SCAPER: variants seen among roughly 807,000 people sequenced by gnomAD.
SCAPER encodes S-phase cyclin A associated protein in the ER.
In SCAPER, 98 loss-of-function variants were observed where a neutral mutation model predicts 182.2. The ratio of observed to expected loss-of-function variants is 0.54; its 90% CI spans 0.46 to 0.64. The LOEUF (loss-of-function observed/expected upper bound fraction) is 0.64. Ranked by LOEUF, SCAPER falls within the 30% of genes least tolerant of loss-of-function variation. The probability of loss-of-function intolerance (pLI) is 0.00; values close to 1 mark genes in which losing one functional copy is unlikely to be tolerated. For missense variants in SCAPER, 1,432 were observed against 1,690.0 expected (o/e 0.85, Z 2.68); for synonymous variants, 605 against 564.6 (o/e 1.07, Z -1.01).
intron 20 of SCAPER, among the ~76,000 whole-genome samples, chr15:76,667,304 C>G (rs1464190677): frequency 1.3e-5 from 2 of 152,258 alleles, no homozygotes; most frequent in East Asian, 1.9e-4. Context: ...GTCCTTCTAA[C>G]TCATTGGCTG....
intron 21 of SCAPER, among the ~76,000 whole-genome samples, chr15:76,660,918 T>A (rs1182212203): frequency 6.6e-6 from 1 of 151,862 alleles, no homozygotes; most frequent in East Asian, 1.9e-4. Context: ...ACTGTTTCTA[T>A]AAACTAGCAA....
intron 2 of SCAPER, among the ~76,000 whole-genome samples, chr15:76,872,157 T>C (rs1472971810): frequency 6.6e-6 from 1 of 151,022 alleles, no homozygotes; most frequent in African/African-American, 2.4e-5. Context: ...AGGAAATACC[T>C]ACATGAAAGC....
chr15:76,444,518 T>A (rs944919648), intron 25 of SCAPER, among the ~76,000 whole-genome samples: 12 of 152,206 alleles, frequency 7.9e-5, no homozygotes, highest in Admixed American at 4.6e-4. Context: ...TCAGAACCAT[T>A]TATGTTTAAT....
intron 5 of SCAPER, among the ~76,000 whole-genome samples, chr15:76,818,558 T>TG (rs2067262876): frequency 6.6e-6 from 1 of 151,958 alleles, no homozygotes; most frequent in Admixed American, 6.6e-5. Context: ...CAAGAGACAC[T>TG]GTTATCCAAA....
intron 22 of SCAPER, among the ~76,000 whole-genome samples, chr15:76,579,876 T>A (rs2404737): frequency 6.6e-6 from 1 of 151,958 alleles, no homozygotes; most frequent in Admixed American, 6.6e-5. Flanking sequence ...GTAGCTATAC[T>A]TATGTCAGAA....
intron 20 of SCAPER, among the ~76,000 whole-genome samples, chr15:76,667,439 T>C (rs1393937573): frequency 2.0e-5 from 3 of 152,028 alleles, no homozygotes; most frequent in African/African-American, 7.2e-5. Flanking sequence ...ATGCAGTAAC[T>C]TGAAGTATTA....
chr15:76,457,862 T>C (rs2048858396), intron 25 of SCAPER, among the ~76,000 whole-genome samples: 1 of 152,182 alleles, frequency 6.6e-6, no homozygotes, highest in South Asian at 2.1e-4. Context: ...TTTCCACTGC[T>C]CTTTATCATT....
chr15:76,792,813 C>G (rs1014977795), intron 8 of SCAPER, among the ~76,000 whole-genome samples: 4 of 152,156 alleles, frequency 2.6e-5, no homozygotes, highest in Admixed American at 2.0e-4. Flanking sequence ...AAGAAAAGAG[C>G]CACTCCACTG....
At chr15:76,481,455 G>GA (rs911483903) in intron 24 of SCAPER, among the ~76,000 whole-genome samples, 5 of 151,926 alleles carry the variant, frequency 3.3e-5, no homozygotes, top group Non-Finnish European at 7.4e-5. Context: ...AGGCAACAAT[G>GA]AAAAAAATTA....
intron 29 of SCAPER, among the ~76,000 whole-genome samples, chr15:76,356,853 G>A (rs16968123): frequency 0.018 from 2,738 of 152,246 alleles, 90 homozygotes; most frequent in African/African-American, 0.061. Context: ...GAGCAAGTAG[G>A]GAGCATGCAT....
intron 4 of SCAPER, among the ~76,000 whole-genome samples, chr15:76,854,575 C>T (rs1423809761): frequency 6.6e-6 from 1 of 152,076 alleles, no homozygotes; most frequent in Non-Finnish European, 1.5e-5. Flanking sequence ...CATCAAACTA[C>T]CAATGACATT....
Position 76,717,064 on chromosome 15 carries a change from A to G in SCAPER, c.2166-11080T>C, listed in dbSNP as rs180966870. Among the ~76,000 whole-genome samples the G allele has an allele frequency of 7.9e-5, 12 of 151,808 alleles. 1 individual carries two copies. The highest frequency in any genetic ancestry group is 3.4e-3 in the Middle Eastern group (1 of 292). On this transcript the variant is annotated intron_variant, in intron 17 of 31. Transcript: ENST00000563290. ...TCTAGTCACATATAAGGGGATGTCC[A>G]TCAGAGTATCATTGGACTTTTCTGC...
chr15:76,702,414 T>C (rs1003665945), intron 19 of SCAPER, among the ~76,000 whole-genome samples: 9 of 152,158 alleles, frequency 5.9e-5, no homozygotes, highest in African/African-American at 2.2e-4. Flanking sequence ...TTCAGAATCA[T>C]GAAAGAAATC....
chr15:76,750,041 T>TA (rs1429145658), intron 15 of SCAPER, among the ~76,000 whole-genome samples: 9 of 151,326 alleles, frequency 5.9e-5, no homozygotes, highest in Admixed American at 2.0e-4. Flanking sequence ...GCACAAGAGA[T>TA]AAAGTAAACA....
chr15:76,513,204 G>C (rs1020713675), intron 23 of SCAPER, among the ~76,000 whole-genome samples: 2 of 152,190 alleles, frequency 1.3e-5, no homozygotes, highest in African/African-American at 4.8e-5. Flanking sequence ...ATACCTGATA[G>C]ATTAGTGATG....
chr15:76,888,441 G>A (rs934035949), intron 1 of SCAPER, among the ~76,000 whole-genome samples: 6 of 152,122 alleles, frequency 3.9e-5, no homozygotes, highest in Non-Finnish European at 8.8e-5. Flanking sequence ...AAGGTTAGAC[G>A]AATGGCTAAC....
chr15:76,705,356 C>T (rs1019262161), intron 18 of SCAPER, among the ~76,000 whole-genome samples: 1 of 131,414 alleles, frequency 7.6e-6, no homozygotes, highest in African/African-American at 3.0e-5. Flanking sequence ...AATGAGAACA[C>T]ATGGACACAG....
chr15:76,434,305 A>G lies in SCAPER; in HGVS notation c.3084T>C (p.Tyr1028=). The change falls in exon 26 of 32, where the codon TAT becomes TAC. Residue 1028 remains tyrosine (Y), a synonymous_variant. Transcript: ENST00000563290. ...AAATAGTATTATTTTCATCTGGAAC[A>G]TAAACCTAGATGAAAAAAAAGTACA... ...MDLLIHQLTV[Y]VPDENNTILG... is the part of the protein sequence containing the mutation. The G allele has an allele frequency of 6.3e-7, 1 of 1,599,146 alleles. No individual in the cohort carries two copies. The highest frequency in any genetic ancestry group is 8.5e-7 in the Non-Finnish European group (1 of 1,170,468).
At position 76,694,868 on chromosome 15, in the gene SCAPER, CAT is replaced by C. The variant is rs149715551; in HGVS notation, c.2508+6888_2508+6889del. Among the ~76,000 whole-genome samples the C allele has an allele frequency of 3.8e-3, 578 of 152,034 alleles. 4 individuals are homozygous for C. Among genetic ancestry groups the C allele is most frequent in the African/African-American group, 0.014 (564 of 41,494 alleles). On this transcript the variant is annotated intron_variant, in intron 20 of 31. Coordinates refer to ENST00000563290, the MANE Select transcript of SCAPER (RefSeq NM_020843.4). ...TAATATAGACAAGCTATTAATGTAA[CAT>C]ATCACATGAATAAATTGAAAAAAGC...
Sources: gnomAD v4.1 joint callset for allele counts (sites outside exome capture counted in the v4.1 genomes callset) on GRCh38, gnomAD v4.1.1 for gene constraint, MANE v1.5 for transcripts, NCBI Gene and HGNC (gene_info 2026-07-23, HGNC 2026-07-21) for gene names.